Variants in SPATS2L observed in about 807,000 individuals in gnomAD.
SPATS2L encodes the protein spermatogenesis associated serine rich 2 like.
SPATS2L carries 30 observed loss-of-function variants against 59.6 expected under a neutral mutation model. The observed-to-expected ratio is 0.50, with a 90% CI of 0.38 to 0.68. The LOEUF is 0.68. Ranked by LOEUF, SPATS2L falls within the 30% of genes least tolerant of loss-of-function variation. SPATS2L has a pLI of 0.00. For missense variants in SPATS2L, 615 were observed against 700.0 expected (o/e 0.88, Z 1.37); for synonymous variants, 252 against 263.5 (o/e 0.96, Z 0.42).
intron 8 of SPATS2L, among the ~76,000 whole-genome samples, chr2:200,449,841 C>G (rs2085318617): frequency 6.6e-6 from 1 of 152,100 alleles, no homozygotes; most frequent in South Asian, 2.1e-4. Context: ...TGGACTGGTA[C>G]AGTGAGACTA....
intron 6 of SPATS2L, among the ~76,000 whole-genome samples, chr2:200,434,045 A>G (rs2084114937): frequency 6.6e-6 from 1 of 152,094 alleles, no homozygotes; most frequent in Admixed American, 6.6e-5. Flanking sequence ...AATCCTCAAC[A>G]AAACATTAAC....
intron 2 of SPATS2L, among the ~76,000 whole-genome samples, chr2:200,333,254 C>T (rs1284137625): frequency 6.6e-6 from 1 of 151,344 alleles, no homozygotes; most frequent in Admixed American, 6.6e-5. Context: ...CTACTGCACT[C>T]CAGCCTGGGT....
chr2:200,472,117 G>A (rs1332604312), intron 11 of SPATS2L, among the ~76,000 whole-genome samples: 3 of 152,234 alleles, frequency 2.0e-5, no homozygotes, highest in African/African-American at 2.4e-5. Flanking sequence ...GAGCTCTGAC[G>A]GGTGTCCGCC....
intron 7 of SPATS2L, among the ~76,000 whole-genome samples, chr2:200,439,643 G>A (rs1178192117): frequency 6.6e-6 from 1 of 152,144 alleles, no homozygotes; most frequent in Non-Finnish European, 1.5e-5. Flanking sequence ...TCATTCAGGA[G>A]CTCTTTTAAA....
chr2:200,326,794 C>G (rs2079761495), intron 1 of SPATS2L, among the ~76,000 whole-genome samples: 1 of 151,756 alleles, frequency 6.6e-6, no homozygotes, highest in South Asian at 2.1e-4. Context: ...GTGGTACAAT[C>G]TCGGCTTACT....
intron 2 of SPATS2L, among the ~76,000 whole-genome samples, chr2:200,350,254 G>C (rs1305526502): frequency 1.3e-5 from 2 of 152,086 alleles, no homozygotes; most frequent in Admixed American, 1.3e-4. Context: ...AGTCTCAGTG[G>C]CCTCTGCTGA....
chr2:200,419,710 AT>A (rs3033399), intron 6 of SPATS2L, among the ~76,000 whole-genome samples: 2,364 of 131,620 alleles, frequency 0.018, 38 homozygotes, highest in African/African-American at 0.051. Context: ...AAGTCAGAGG[AT>A]TTTTTTTTTT....
chr2:200,459,821 G>T lies in SPATS2L; in HGVS notation c.841G>T (p.Glu281Ter). 6.2e-7 allele frequency: 1 copy of T among 1,610,082 alleles called. No individual in the cohort carries two copies. The highest frequency in any genetic ancestry group is 8.5e-7 in the Non-Finnish European group (1 of 1,177,446). ...LMAEMDKVKE[E>*]AMEILTARQK... Reference sequence around the variant, plus strand: ...GGCAGAAATGGATAAAGTTAAAGAAGAAGCCAGTAAGTAGACAACACATGG... The same window carrying T: ...GGCAGAAATGGATAAAGTTAAAGAATAAGCCAGTAAGTAGACAACACATGG... Residue 281 changes from glutamate (E) to a stop codon, truncating the protein, a stop_gained, in exon 9 of 13, where the codon GAA (glutamate) becomes TAA (stop). Transcript: ENST00000409140. LOFTEE classifies it high-confidence loss of function.
intron 2 of SPATS2L, among the ~76,000 whole-genome samples, chr2:200,370,877 A>C (rs1261944656): frequency 6.6e-6 from 1 of 152,208 alleles, no homozygotes; most frequent in Non-Finnish European, 1.5e-5. Context: ...TAAAGTGGAA[A>C]GTTACAGATT....
intron 8 of SPATS2L, among the ~76,000 whole-genome samples, chr2:200,455,855 G>C (rs1159549732): frequency 6.6e-6 from 1 of 152,088 alleles, no homozygotes; most frequent in African/African-American, 2.4e-5. Context: ...ACAGAACATG[G>C]AAATGGCACC....
At chr2:200,307,398 C>T (rs1018691289) in intron 1 of SPATS2L, among the ~76,000 whole-genome samples, 4 of 151,966 alleles carry the variant, frequency 2.6e-5, no homozygotes, top group African/African-American at 9.7e-5. Flanking sequence ...CGCGACCACC[C>T]CGCCCTCGGA....
At chr2:200,370,645 ATTAG>A (rs1354101782) in intron 2 of SPATS2L, among the ~76,000 whole-genome samples, 4 of 152,288 alleles carry the variant, frequency 2.6e-5, no homozygotes, top group Non-Finnish European at 4.4e-5. Flanking sequence ...TTCTATATAT[ATTAG>A]TTTATTTAAT....
At chr2:200,413,451 C>G (rs1349757359) in intron 4 of SPATS2L, among the ~76,000 whole-genome samples, 1 of 152,206 alleles carries the variant, frequency 6.6e-6, no homozygotes. Flanking sequence ...GGGAAATTAT[C>G]CTCTTCTAAT....
intron 3 of SPATS2L, among the ~76,000 whole-genome samples, chr2:200,396,023 A>AT (rs1485206048): frequency 3.1e-4 from 13 of 41,848 alleles, no homozygotes; most frequent in African/African-American, 7.9e-4. Context: ...AAAAAAAAAA[A>AT]AAAAAAAAAA....
chr2:200,409,364 C>CT (rs144603014), intron 3 of SPATS2L, among the ~76,000 whole-genome samples: 3,071 of 148,132 alleles, frequency 0.021, 99 homozygotes, highest in African/African-American at 0.071. Flanking sequence ...ATAATGAGGG[C>CT]TTTTTTTTTT....
intron 8 of SPATS2L, among the ~76,000 whole-genome samples, chr2:200,444,199 T>C (rs1242276151): frequency 1.3e-5 from 2 of 152,228 alleles, no homozygotes; most frequent in Admixed American, 1.3e-4. Context: ...TCCTTTGGAA[T>C]CATAGCTGCC....
chr2:200,477,514 A>AT (rs1226645408), intron 12 of SPATS2L, 122 bp from the exon 13 acceptor site: 14 of 566,598 alleles, frequency 2.5e-5, no homozygotes, highest in Admixed American at 1.2e-4. Context: ...CTTCTGGTGT[A>AT]TAAAAAAAAA....
intron 11 of SPATS2L, 62 bp from the exon 12 acceptor site, chr2:200,472,770 G>T: frequency 7.1e-7 from 1 of 1,409,304 alleles, no homozygotes; most frequent in Non-Finnish European, 1.0e-6. Context: ...GCTTCCTAAT[G>T]GGTTACTGAG....
intron 6 of SPATS2L, among the ~76,000 whole-genome samples, chr2:200,422,279 G>C (rs747331035): frequency 1.3e-5 from 2 of 152,314 alleles, no homozygotes; most frequent in South Asian, 4.1e-4. Flanking sequence ...ACTCACACTT[G>C]TCATCCCAGC....
Sources: allele counts gnomAD v4.1 joint callset (sites outside exome capture counted in the v4.1 genomes callset), GRCh38; gene constraint gnomAD v4.1.1; transcripts MANE v1.5; gene names NCBI Gene and HGNC (gene_info 2026-07-23, HGNC 2026-07-21).